Variants in PCDHGB5 observed in about 807,000 individuals in gnomAD.
The protein encoded by PCDHGB5 is protocadherin gamma-B5.
Under a neutral mutation model 62.9 loss-of-function variants are expected in PCDHGB5, and 48 were observed. The ratio of observed to expected loss-of-function variants is 0.76; its 90% CI spans 0.61 to 0.97. The LOEUF is 0.97. Ranked by LOEUF, PCDHGB5 falls within the 50% of genes least tolerant of loss-of-function variation. The probability of loss-of-function intolerance (pLI) is 0.00; values close to 1 mark genes in which losing one functional copy is unlikely to be tolerated. For missense variants in PCDHGB5, 1,118 were observed against 1,198.6 expected, an observed-to-expected ratio of 0.93 and a Z score of 0.99; for synonymous variants, 474 against 511.2, an observed-to-expected ratio of 0.93 and a Z score of 0.98.
Position 141,477,311 on chromosome 5 carries a change from C to G in PCDHGB5, c.2398-17496C>G. 6.2e-7 allele frequency: 1 copy of G among 1,614,186 alleles called. No individual in the cohort carries two copies. The highest frequency in any genetic ancestry group is 8.5e-7 in the Non-Finnish European group (1 of 1,180,032). ...AGTTCCACCGGGTCTCCCTTTCAGC[C>G]TTACTTCTTCCCTCAAGAATTACTT... On this transcript the variant is annotated intron_variant, in intron 1 of 3. Coordinates refer to ENST00000617380, the MANE Select transcript of PCDHGB5 (RefSeq NM_018925.3). The surrounding 1 kb of genome is among the most constrained non-coding windows in gnomAD (Gnocchi z 4.9).
chr5:141,482,049 C>G (rs1456071625), intron 1 of PCDHGB5, among the ~76,000 whole-genome samples: 2 of 149,284 alleles, frequency 1.3e-5, no homozygotes, highest in Non-Finnish European at 3.0e-5. Context: ...CATGCTGTTG[C>G]ATTCCAGCCT....
chr5:141,419,175 C>T (rs185228661), intron 1 of PCDHGB5: 2 of 1,613,966 alleles, frequency 1.2e-6, no homozygotes, highest in Non-Finnish European at 1.7e-6. Flanking sequence ...AAAACCATAA[C>T]CCTGCACATT....
At chr5:141,427,525 C>T (rs779318429) in intron 1 of PCDHGB5, 9 of 611,980 alleles carry the variant, frequency 1.5e-5, no homozygotes, top group South Asian at 3.0e-5. Flanking sequence ...GAGCGGATCC[C>T]GGAGTACAAC....
chr5:141,444,470 C>T (rs1275997551), intron 1 of PCDHGB5, among the ~76,000 whole-genome samples: 2 of 152,058 alleles, frequency 1.3e-5, no homozygotes, highest in African/African-American at 2.4e-5. Flanking sequence ...TGCGCCCGGT[C>T]GCGTACTGGA....
In PCDHGB5 at chr5:141,477,380, G is replaced by C; in HGVS notation, c.2398-17427G>C. The C allele has an allele frequency of 6.2e-7, 1 of 1,614,116 alleles. No homozygotes were observed. The highest frequency in any genetic ancestry group is 8.5e-7 in the Non-Finnish European group (1 of 1,180,028). On this transcript the variant is annotated intron_variant, in intron 1 of 3. Transcript: ENST00000617380. The surrounding 1 kb of genome is among the most constrained non-coding windows in gnomAD (Gnocchi z 4.9). ...AGACCTGGATCGGGAGACTGTGCCA[G>C]AATACAACCTCAGCATCACCGCCCG...
Position 141,489,120 on chromosome 5 carries a change from G to T in PCDHGB5, c.2398-5687G>T. On this transcript the variant is annotated intron_variant, in intron 1 of 3. Coordinates refer to ENST00000617380, the MANE Select transcript of PCDHGB5 (RefSeq NM_018925.3). The surrounding 1 kb of genome is among the most constrained non-coding windows in gnomAD (Gnocchi z 4.5). Reference sequence around the variant, plus strand: ...AACTGCTGCAAGCAGGCAAACCTCCGAGCAGTTTTTAAGAGGCTGGAAGGA... The same window carrying T: ...AACTGCTGCAAGCAGGCAAACCTCCTAGCAGTTTTTAAGAGGCTGGAAGGA... 2.2e-6 allele frequency: 1 copy of T among 445,672 alleles called. No individual in the cohort carries two copies. The highest frequency in any genetic ancestry group is 3.8e-6 in the Non-Finnish European group (1 of 264,754). The allele number at this position is 445,672 out of a possible 1,614,324, so 27.6% of individuals were successfully genotyped here.
At chr5:141,430,244 A>G (rs903055705) in intron 1 of PCDHGB5, among the ~76,000 whole-genome samples, 1 of 105,606 alleles carries the variant, frequency 9.5e-6, no homozygotes, top group Non-Finnish European at 1.8e-5. Context: ...AGAAACTCCT[A>G]GGGAGACATC....
chr5:141,494,323 A>T (rs1188768690), intron 1 of PCDHGB5, among the ~76,000 whole-genome samples: 1 of 152,210 alleles, frequency 6.6e-6, no homozygotes, highest in Non-Finnish European at 1.5e-5. Flanking sequence ...CCTGGCACCA[A>T]AAGGGTTACC....
At chr5:141,457,607 T>C (rs578113551) in intron 1 of PCDHGB5, among the ~76,000 whole-genome samples, 2 of 152,360 alleles carry the variant, frequency 1.3e-5, no homozygotes, top group African/African-American at 4.8e-5. Context: ...AAACTAATTA[T>C]GAATGAACTT....
chr5:141,410,843 C>CTTTTTAT, intron 1 of PCDHGB5: 1 of 216,280 alleles, frequency 4.6e-6, no homozygotes. Context: ...GATATTTTGT[C>CTTTTTAT]TTTGTCTTTT....
chr5:141,402,973 C>T (rs779898665), intron 1 of PCDHGB5: 4 of 1,608,044 alleles, frequency 2.5e-6, no homozygotes, highest in Non-Finnish European at 2.5e-6. Context: ...CAACCAAATG[C>T]CAGCTCCGCG....
intron 1 of PCDHGB5, among the ~76,000 whole-genome samples, chr5:141,446,571 G>C (rs1460375061): frequency 2.0e-5 from 3 of 152,058 alleles, no homozygotes; most frequent in African/African-American, 7.2e-5. Flanking sequence ...CTGCCTCCCA[G>C]GTTCAAGTGA....
rs768074414 is a variant in PCDHGB5 at position 141,477,293 on chromosome 5, C to T, written c.2398-17514C>T. 8.1e-6 allele frequency: 13 copies of T among 1,614,180 alleles called. No homozygotes were observed. The highest frequency in any genetic ancestry group is 1.1e-5 in the Non-Finnish European group (13 of 1,180,036). ...CGGGCTGGTGACCTGCGAAGTTCCA[C>T]CGGGTCTCCCTTTCAGCCTTACTTC... On this transcript the variant is annotated intron_variant, in intron 1 of 3. Coordinates refer to ENST00000617380, the MANE Select transcript of PCDHGB5 (RefSeq NM_018925.3). This position sits in a 1 kb window ranked among gnomAD's most constrained non-coding sequence, Gnocchi z 4.9.
intron 1 of PCDHGB5, among the ~76,000 whole-genome samples, chr5:141,405,652 G>GT (rs1479754913): frequency 6.6e-6 from 1 of 152,034 alleles, no homozygotes; most frequent in Non-Finnish European, 1.5e-5. Flanking sequence ...TTTTTTGTGT[G>GT]TTTTTAGTAG....
chr5:141,500,571 C>T (rs1171231755), intron 2 of PCDHGB5, among the ~76,000 whole-genome samples: 1 of 152,196 alleles, frequency 6.6e-6, no homozygotes, highest in African/African-American at 2.4e-5. Context: ...GTCACACTTT[C>T]ATGTGACACT....
At chr5:141,461,063 C>T (rs1472437531) in intron 1 of PCDHGB5, among the ~76,000 whole-genome samples, 1 of 151,796 alleles carries the variant, frequency 6.6e-6, no homozygotes, top group Non-Finnish European at 1.5e-5. Flanking sequence ...GTTGGTTTCA[C>T]ATTTTTGCAA....
Position 141,511,628 on chromosome 5 carries a change from G to C in PCDHGB5, c.*455G>C, listed in dbSNP as rs4912608. 0.2 allele frequency: 46,780 copies of C among 231,598 alleles called. 5,185 individuals are homozygous for C. The highest frequency in any genetic ancestry group is 0.32 in the Admixed American group (6,204 of 19,590). The allele number at this position is 231,598 out of a possible 1,614,324, so 14.3% of individuals were successfully genotyped here. A position where few individuals can be genotyped will look rare whatever the true frequency, so the allele number is the denominator to read the frequency against. On this transcript the variant is annotated 3_prime_UTR_variant, in exon 4 of 4. Transcript: ENST00000617380. ...CAAGCCTCCTAGTTCTGAAAAGTTG[G>C]AAGGGCATCATGACCTCTTGGCCTC...
At chr5:141,417,667 C>A (rs545100460) in intron 1 of PCDHGB5, 5 of 918,744 alleles carry the variant, frequency 5.4e-6, no homozygotes, top group South Asian at 3.8e-5. Flanking sequence ...GGATTCCCTG[C>A]GCAGCCAACA....
intron 1 of PCDHGB5, chr5:141,428,368 C>A (rs1403173774): frequency 1.3e-5 from 7 of 544,884 alleles, no homozygotes; most frequent in Non-Finnish European, 2.4e-5. Flanking sequence ...GGTCGCCTTG[C>A]ACCTGCGATG....
Sources: gnomAD v4.1 joint callset for allele counts (sites outside exome capture counted in the v4.1 genomes callset) on GRCh38, gnomAD v4.1.1 for gene constraint, Gnocchi (gnomAD v3.1) non-coding constraint, MANE v1.5 for transcripts, NCBI Gene and HGNC (gene_info 2026-07-23, HGNC 2026-07-21) for gene names.